The following CNTNAP4 variants were observed in gnomAD, a reference collection of about 807,000 sequenced individuals.
The protein encoded by CNTNAP4 is contactin-associated protein-like 4.
Under a neutral mutation model 148.4 loss-of-function variants are expected in CNTNAP4, and 98 were observed. That is an observed-to-expected ratio of 0.66 (90% CI 0.56 to 0.78). The LOEUF is 0.78. Ranked by LOEUF, CNTNAP4 falls within the 30% of genes least tolerant of loss-of-function variation. The pLI is 0.00. For missense variants in CNTNAP4, 1,935 were observed against 1,565.6 expected (o/e 1.24, Z -3.98); for synonymous variants, 730 against 565.1 (o/e 1.29, Z -4.14).
chr16:76,302,874 C>G (rs1171241313), intron 1 of CNTNAP4, among the ~76,000 whole-genome samples: 1 of 152,120 alleles, frequency 6.6e-6, no homozygotes, highest in East Asian at 1.9e-4. Context: ...TGCCACGATG[C>G]TGCATGTTGT....
chr16:76,332,683 G>A (rs145807176), intron 2 of CNTNAP4, among the ~76,000 whole-genome samples: 1 of 151,852 alleles, frequency 6.6e-6, no homozygotes, highest in East Asian at 1.9e-4. Flanking sequence ...TAAACTTGAT[G>A]GTTTTCCATA....
chr16:76,439,334 TTG>T (rs869252313), intron 4 of CNTNAP4, among the ~76,000 whole-genome samples: 1 of 64,630 alleles, frequency 1.5e-5, no homozygotes, highest in Non-Finnish European at 4.5e-5. Context: ...ATTTCAAGTG[TTG>T]TTATTATTAA....
In CNTNAP4 at chr16:76,507,185, T is replaced by C. The variant is rs572284107; in HGVS notation, c.2365+8491T>C. Among the ~76,000 whole-genome samples the C allele has an allele frequency of 6.4e-4, 62 of 97,540 alleles. 5 individuals are homozygous for C. Among genetic ancestry groups the C allele is most frequent in the African/African-American group, 1.6e-3 (61 of 38,996 alleles). The allele number at this position is 97,540 out of a possible 152,430, so 64.0% of individuals were successfully genotyped here. A position where few individuals can be genotyped will look rare whatever the true frequency, so the allele number is the denominator to read the frequency against. On this transcript the variant is annotated intron_variant, in intron 15 of 23. Transcript: ENST00000611870. ...AATAATCACATCATGGAAAATTGGGTATTCACCCCTTTAAGCATTTATCCT... is the reference window on the plus strand; with the variant it reads ...AATAATCACATCATGGAAAATTGGGCATTCACCCCTTTAAGCATTTATCCT...
intron 15 of CNTNAP4, among the ~76,000 whole-genome samples, chr16:76,515,722 A>G (rs994756841): frequency 6.6e-6 from 1 of 152,170 alleles, no homozygotes; most frequent in African/African-American, 2.4e-5. Context: ...AATGATACCC[A>G]GCATCATCAA....
At chr16:76,395,437 T>G (rs1196985231) in intron 3 of CNTNAP4, among the ~76,000 whole-genome samples, 1 of 151,330 alleles carries the variant, frequency 6.6e-6, no homozygotes, top group Non-Finnish European at 1.5e-5. Context: ...GGCTAATTTT[T>G]TGTATTTTTA....
intron 1 of CNTNAP4, among the ~76,000 whole-genome samples, chr16:76,300,165 A>G (rs1959802618): frequency 6.6e-6 from 1 of 152,124 alleles, no homozygotes; most frequent in Non-Finnish European, 1.5e-5. Flanking sequence ...AAAAGAAGTT[A>G]AGGCAACTTT....
chr16:76,522,310 G>A, intron 17 of CNTNAP4, 53 bp downstream of exon 17: 1 of 1,466,470 alleles, frequency 6.8e-7, no homozygotes, highest in Non-Finnish European at 9.5e-7. Context: ...GTTCAGAAAT[G>A]GCCCAAGATA....
chr16:76,547,329 C>T (rs988853295), intron 21 of CNTNAP4, among the ~76,000 whole-genome samples: 2 of 152,042 alleles, frequency 1.3e-5, no homozygotes, highest in Admixed American at 6.5e-5. Context: ...TTGTATAAAA[C>T]CTCTCATGGG....
chr16:76,454,769 T>A (rs1033081064), intron 8 of CNTNAP4, among the ~76,000 whole-genome samples: 1 of 152,206 alleles, frequency 6.6e-6, no homozygotes, highest in Non-Finnish European at 1.5e-5. Flanking sequence ...GTTGTCAGGA[T>A]GTATTATAAT....
intron 3 of CNTNAP4, among the ~76,000 whole-genome samples, chr16:76,426,680 C>A (rs1454863460): frequency 6.6e-6 from 1 of 152,076 alleles, no homozygotes. Flanking sequence ...GCTCCTGGCC[C>A]TACCATGTAA....
chr16:76,528,405 A>G (rs931457927), intron 17 of CNTNAP4, among the ~76,000 whole-genome samples: 4 of 152,296 alleles, frequency 2.6e-5, no homozygotes, highest in African/African-American at 9.6e-5. Flanking sequence ...AGCTGAGACT[A>G]CAGGCACATG....
At chr16:76,333,262 G>A (rs1167730557) in intron 2 of CNTNAP4, among the ~76,000 whole-genome samples, 1 of 152,048 alleles carries the variant, frequency 6.6e-6, no homozygotes, top group African/African-American at 2.4e-5. Flanking sequence ...TAATCTTATA[G>A]CCATGATGTG....
intron 22 of CNTNAP4, 130 bp from the exon 23 acceptor site, chr16:76,553,706 A>T: frequency 1.5e-6 from 1 of 665,422 alleles, no homozygotes; most frequent in Non-Finnish European, 2.6e-6. Flanking sequence ...ACATTGCTTA[A>T]ATTGAAAATA....
At chr16:76,380,912 C>T (rs1322457009) in intron 3 of CNTNAP4, among the ~76,000 whole-genome samples, 2 of 152,128 alleles carry the variant, frequency 1.3e-5, no homozygotes, top group South Asian at 4.1e-4. Context: ...ATCATGAACT[C>T]ATTTACTTTC....
At chr16:76,299,031 C>A (rs1168016917) in intron 1 of CNTNAP4, among the ~76,000 whole-genome samples, 1 of 152,130 alleles carries the variant, frequency 6.6e-6, no homozygotes. Context: ...AGATCTAAAA[C>A]CATAAAAACC....
chr16:76,373,311 A>T lies in CNTNAP4; in HGVS notation c.390+17800A>T, dbSNP rs114001335. Among the ~76,000 whole-genome samples the T allele has an allele frequency of 6.4e-3, 963 of 151,060 alleles. 54 individuals are homozygous for T. The highest frequency in any genetic ancestry group is 0.019 in the African/African-American group (754 of 40,582). ...AAATATGTGAAATATATTCCACATA[A>T]ATATGTGGAGTATATTTCACAAAAA... is the stretch of plus-strand genomic sequence containing the variant. On this transcript the variant is annotated intron_variant, in intron 3 of 23. Transcript: ENST00000611870.
rs893560445 is a variant in CNTNAP4, at chr16:76,352,627, C to T, written c.197-2691C>T. Among the ~76,000 whole-genome samples, 11 of 152,230 alleles carry T rather than the reference C, an allele frequency of 7.2e-5. 1 individual carries two copies. Among genetic ancestry groups the T allele is most frequent in the South Asian group, 6.2e-4 (3 of 4,820 alleles). On this transcript the variant is annotated intron_variant, in intron 2 of 23. Transcript: ENST00000611870. ...TGCACTGAGAATTAATTTACAAGGC[C>T]TTCAACAAAGTGCCTGACACAAAGG...
intron 3 of CNTNAP4, among the ~76,000 whole-genome samples, chr16:76,363,803 G>C (rs185589421): frequency 1.3e-5 from 2 of 152,270 alleles, no homozygotes; most frequent in African/African-American, 4.8e-5. Flanking sequence ...AGTCAACACA[G>C]TTAGTTTGCT....
intron 2 of CNTNAP4, among the ~76,000 whole-genome samples, chr16:76,322,363 G>T (rs978158140): frequency 2.6e-5 from 4 of 152,148 alleles, no homozygotes; most frequent in Admixed American, 1.3e-4. Flanking sequence ...AACAGTCACA[G>T]AACTTGAGCC....
Sources: gnomAD v4.1 joint callset for allele counts (sites outside exome capture counted in the v4.1 genomes callset) on GRCh38, gnomAD v4.1.1 for gene constraint, MANE v1.5 for transcripts, NCBI Gene and HGNC (gene_info 2026-07-23, HGNC 2026-07-21) for gene names.